CDH8: variants seen among roughly 807,000 people sequenced by gnomAD.
CDH8 encodes cadherin 8.
In CDH8, 17 loss-of-function variants were observed where a neutral mutation model predicts 68.1. That is an observed-to-expected ratio of 0.25 (90% CI 0.17 to 0.37). CDH8 has a LOEUF of 0.37. Ranked by LOEUF, CDH8 falls within the 10% of genes least tolerant of loss-of-function variation. CDH8 has a pLI of 1.00. For synonymous variants in CDH8, 372 were observed against 365.1 expected (o/e 1.02, Z -0.21); for missense variants, 763 against 999.3 (o/e 0.76, Z 3.19).
chr16:61,752,194 C>T (rs1960185700), intron 8 of CDH8, among the ~76,000 whole-genome samples: 1 of 152,052 alleles, frequency 6.6e-6, no homozygotes, highest in Non-Finnish European at 1.5e-5. Context: ...CTTATTTCAG[C>T]AAAGACTTGA....
chr16:61,975,029 T>C (rs927488172), intron 2 of CDH8, among the ~76,000 whole-genome samples: 6 of 152,140 alleles, frequency 3.9e-5, no homozygotes. Context: ...ATGACTCTCT[T>C]TATAGGAAAA....
At chr16:62,015,780 A>G (rs1421472494) in intron 2 of CDH8, among the ~76,000 whole-genome samples, 1 of 152,202 alleles carries the variant, frequency 6.6e-6, no homozygotes, top group African/African-American at 2.4e-5. Context: ...AAGAAGCCCC[A>G]GAAAGCTTCC....
intron 8 of CDH8, among the ~76,000 whole-genome samples, chr16:61,767,061 T>C (rs907171974): frequency 1.3e-5 from 2 of 151,962 alleles, no homozygotes; most frequent in Admixed American, 6.6e-5. Flanking sequence ...TATGGAAATA[T>C]TCATATTCTA....
chr16:61,768,310 CCCTT>C (rs144024674), intron 8 of CDH8, among the ~76,000 whole-genome samples: 5,268 of 99,358 alleles, frequency 0.053, 149 homozygotes, highest in South Asian at 0.061. Context: ...CTGTGTCTCT[CCCTT>C]TCTCTCTCTC....
At chr16:61,972,075 T>C (rs551236446) in intron 2 of CDH8, among the ~76,000 whole-genome samples, 11 of 152,156 alleles carry the variant, frequency 7.2e-5, no homozygotes, top group African/African-American at 2.2e-4. Context: ...GTGGAGACAA[T>C]TGAATCATGG....
At chr16:61,750,444 C>A (rs747869859) in intron 8 of CDH8, among the ~76,000 whole-genome samples, 1 of 152,014 alleles carries the variant, frequency 6.6e-6, no homozygotes, top group South Asian at 2.1e-4. Flanking sequence ...TTTTAGTGAC[C>A]AAACTTATAT....
chr16:61,871,695 A>G (rs1963367047), intron 3 of CDH8, among the ~76,000 whole-genome samples: 1 of 151,684 alleles, frequency 6.6e-6, no homozygotes, highest in South Asian at 2.1e-4. Context: ...AAAAGCTAAA[A>G]TGTTGAGGCC....
chr16:62,033,725 T>G (rs963872382), intron 1 of CDH8, among the ~76,000 whole-genome samples: 11 of 152,124 alleles, frequency 7.2e-5, no homozygotes, highest in South Asian at 2.1e-4. Context: ...TGACATTCAC[T>G]TGGGGAGTGT....
chr16:61,892,526 T>C (rs994798147), intron 3 of CDH8, among the ~76,000 whole-genome samples: 1 of 152,202 alleles, frequency 6.6e-6, no homozygotes, highest in Non-Finnish European at 1.5e-5. Flanking sequence ...ATTTATACTT[T>C]TTTTTGCACT....
intron 2 of CDH8, among the ~76,000 whole-genome samples, chr16:61,947,130 C>G (rs1964814855): frequency 6.6e-6 from 1 of 152,074 alleles, no homozygotes; most frequent in Admixed American, 6.6e-5. Context: ...CAAACAGTAC[C>G]AAAACAACTT....
intron 3 of CDH8, among the ~76,000 whole-genome samples, chr16:61,863,508 C>A (rs1040982979): frequency 6.6e-6 from 1 of 152,058 alleles, no homozygotes; most frequent in Non-Finnish European, 1.5e-5. Flanking sequence ...TAAGTCAGCA[C>A]ACCAATTCTG....
chr16:61,659,395 G>T (rs947042269), intron 10 of CDH8, among the ~76,000 whole-genome samples: 1 of 152,166 alleles, frequency 6.6e-6, no homozygotes, highest in Admixed American at 6.5e-5. Context: ...GAACACAGGG[G>T]TCCCTCTCCC....
At chr16:62,007,054 A>C (rs1965987069) in intron 2 of CDH8, among the ~76,000 whole-genome samples, 1 of 151,936 alleles carries the variant, frequency 6.6e-6, no homozygotes. Flanking sequence ...ACTGCAGGTG[A>C]GTGCCACCAT....
intron 10 of CDH8, among the ~76,000 whole-genome samples, chr16:61,701,536 A>C (rs4563036): frequency 0.42 from 63,422 of 151,852 alleles, 13,537 homozygotes; most frequent in African/African-American, 0.49. Flanking sequence ...AGTGATTATG[A>C]ATGATCATTA....
At chr16:61,981,780 A>G (rs747803928) in intron 2 of CDH8, among the ~76,000 whole-genome samples, 5 of 152,310 alleles carry the variant, frequency 3.3e-5, no homozygotes, top group Non-Finnish European at 7.3e-5. Flanking sequence ...CAGGAAATGG[A>G]CAGTAATATA....
At chr16:61,751,770 AT>A (rs1960172749) in intron 8 of CDH8, among the ~76,000 whole-genome samples, 1 of 152,122 alleles carries the variant, frequency 6.6e-6, no homozygotes, top group African/African-American at 2.4e-5. Context: ...ATTATATTAC[AT>A]TGAGTTGTGG....
At chr16:61,919,000 C>G (rs1300583721) in intron 2 of CDH8, among the ~76,000 whole-genome samples, 4 of 147,192 alleles carry the variant, frequency 2.7e-5, no homozygotes, top group Non-Finnish European at 4.5e-5. Flanking sequence ...TCAAGTGGGT[C>G]CCTGACCCTG....
intron 9 of CDH8, among the ~76,000 whole-genome samples, chr16:61,717,984 C>G (rs1964762757): frequency 6.6e-6 from 1 of 151,274 alleles, no homozygotes; most frequent in African/African-American, 2.4e-5. Context: ...TATATACACA[C>G]ATACATGTGT....
intron 2 of CDH8, among the ~76,000 whole-genome samples, chr16:61,955,001 C>G (rs1964962430): frequency 6.6e-6 from 1 of 152,150 alleles, no homozygotes; most frequent in African/African-American, 2.4e-5. Flanking sequence ...ATTGGATCCA[C>G]TTCACAGATG....
Sources: allele counts gnomAD v4.1 joint callset (sites outside exome capture counted in the v4.1 genomes callset), GRCh38; gene constraint gnomAD v4.1.1; transcripts MANE v1.5; gene names NCBI Gene and HGNC (gene_info 2026-07-23, HGNC 2026-07-21).